The following ERBB4 variants were observed in gnomAD, a reference collection of about 807,000 sequenced individuals.
ERBB4 encodes receptor tyrosine-protein kinase erbB-4.
A neutral mutation model predicts 158.0 loss-of-function variants in ERBB4; 42 were observed. That is an observed-to-expected ratio of 0.27 (90% CI 0.21 to 0.34). ERBB4 has a LOEUF of 0.34. Among genes scored for constraint, ERBB4 ranks in the 10% least tolerant of loss-of-function variants. ERBB4 has a pLI of 1.00. For missense variants in ERBB4, 1,333 were observed against 1,624.1 expected (o/e 0.82, Z 3.08); for synonymous variants, 583 against 558.7 (o/e 1.04, Z -0.61).
chr2:211,966,129 G>A (rs1380834820), intron 2 of ERBB4, among the ~76,000 whole-genome samples: 2 of 152,196 alleles, frequency 1.3e-5, no homozygotes, highest in South Asian at 2.1e-4. Context: ...TGGAAGGACT[G>A]CATGAGCCCA....
At chr2:212,361,669 G>T (rs2089691573) in intron 1 of ERBB4, among the ~76,000 whole-genome samples, 1 of 151,672 alleles carries the variant, frequency 6.6e-6, no homozygotes. Flanking sequence ...CAAGGGGCTT[G>T]TAGCTGAACT....
chr2:211,877,603 C>A (rs535072224), intron 3 of ERBB4, among the ~76,000 whole-genome samples: 1 of 150,612 alleles, frequency 6.6e-6, no homozygotes, highest in Non-Finnish European at 1.5e-5. Flanking sequence ...TGCTATTAGT[C>A]CAGACATTAA....
intron 3 of ERBB4, among the ~76,000 whole-genome samples, chr2:211,879,336 A>T (rs2078600690): frequency 6.6e-6 from 1 of 152,214 alleles, no homozygotes; most frequent in Non-Finnish European, 1.5e-5. Context: ...GATGAATACC[A>T]TATAGAATAA....
chr2:212,300,182 A>T (rs1857795), intron 1 of ERBB4, among the ~76,000 whole-genome samples: 1 of 151,274 alleles, frequency 6.6e-6, no homozygotes, highest in Non-Finnish European at 1.5e-5. Flanking sequence ...TGGTTCACTG[A>T]ACCATTGTTG....
intron 2 of ERBB4, among the ~76,000 whole-genome samples, chr2:212,083,230 G>C (rs2125472880): frequency 6.6e-6 from 1 of 152,068 alleles, no homozygotes; most frequent in African/African-American, 2.4e-5. Context: ...AGAATATTTG[G>C]ATTTTCATGA....
chr2:212,238,117 C>T (rs532027022), intron 1 of ERBB4, among the ~76,000 whole-genome samples: 2 of 152,340 alleles, frequency 1.3e-5, no homozygotes, highest in East Asian at 3.9e-4. Context: ...TCAGGCACCA[C>T]TGAGGTATGA....
intron 12 of ERBB4, among the ~76,000 whole-genome samples, chr2:211,694,645 T>G (rs1412784714): frequency 2.6e-5 from 4 of 152,150 alleles, no homozygotes; most frequent in Admixed American, 2.6e-4. Context: ...AATTAAGATT[T>G]TCTATTTTCT....
chr2:212,008,069 C>G (rs2076297374), intron 2 of ERBB4, among the ~76,000 whole-genome samples: 1 of 151,994 alleles, frequency 6.6e-6, no homozygotes, highest in African/African-American at 2.4e-5. Flanking sequence ...CTAAAAATGT[C>G]TCAAGTTAAC....
chr2:212,065,231 C>A (rs1398042216), intron 2 of ERBB4, among the ~76,000 whole-genome samples: 3 of 151,870 alleles, frequency 2.0e-5, no homozygotes, highest in African/African-American at 7.3e-5. Context: ...GTTAGTTTGC[C>A]GCTAATTACT....
chr2:212,182,634 A>C (rs2125693218), intron 1 of ERBB4, among the ~76,000 whole-genome samples: 1 of 151,970 alleles, frequency 6.6e-6, no homozygotes, highest in South Asian at 2.1e-4. Context: ...CAGCTCATGC[A>C]GGTTTTGATT....
chr2:212,188,066 T>C (rs2082067688), intron 1 of ERBB4, among the ~76,000 whole-genome samples: 1 of 152,102 alleles, frequency 6.6e-6, no homozygotes, highest in Admixed American at 6.6e-5. Flanking sequence ...CTGACAGCTC[T>C]AGAATTCCTT....
chr2:212,513,120 G>A (rs534701457), intron 1 of ERBB4, among the ~76,000 whole-genome samples: 1 of 152,134 alleles, frequency 6.6e-6, no homozygotes, highest in East Asian at 1.9e-4. Context: ...AGTAACTTTT[G>A]CTTACCATTT....
At chr2:212,397,520 G>A (rs78806892) in intron 1 of ERBB4, among the ~76,000 whole-genome samples, 4 of 150,956 alleles carry the variant, frequency 2.6e-5, no homozygotes, top group East Asian at 2.0e-4. Context: ...AGGGGGGAAG[G>A]GGGGAAGGGA....
In ERBB4 at chr2:211,744,849, G is replaced by T. The variant is rs562703097; in HGVS notation, c.622+5790C>A. On this transcript the variant is annotated intron_variant, in intron 5 of 27. Transcript: ENST00000342788. ...TCCCCAATGTATGGAAAGTCTCAAA[G>T]AATAATTATCCATAAAAAATAAGGA... Among the ~76,000 whole-genome samples the T allele has an allele frequency of 5.3e-5, 8 of 152,284 alleles. No homozygotes were observed. The South Asian group carries it at 1.7e-3, about 32-fold the overall frequency.
chr2:211,463,923 G>C (rs1387202932), intron 20 of ERBB4, among the ~76,000 whole-genome samples: 1 of 152,030 alleles, frequency 6.6e-6, no homozygotes, highest in Non-Finnish European at 1.5e-5. Context: ...TCCTTACTGT[G>C]CCTCAAACAT....
intron 1 of ERBB4, among the ~76,000 whole-genome samples, chr2:212,421,195 C>T (rs143306204): frequency 2.3e-3 from 357 of 152,198 alleles, no homozygotes; most frequent in Admixed American, 5.1e-3. Flanking sequence ...AAGGTCCTTA[C>T]GAAGACAATA....
intron 25 of ERBB4, among the ~76,000 whole-genome samples, chr2:211,417,317 TA>T (rs563478334): frequency 0.018 from 2,545 of 139,902 alleles, 39 homozygotes; most frequent in Middle Eastern, 0.036. Context: ...TACAAAAAAA[TA>T]TAAAAAAAAA....
intron 1 of ERBB4, among the ~76,000 whole-genome samples, chr2:212,222,377 A>C (rs1350431105): frequency 6.6e-6 from 1 of 151,598 alleles, no homozygotes; most frequent in Non-Finnish European, 1.5e-5. Flanking sequence ...GAATTTTAGT[A>C]AATAAAATTA....
In ERBB4 at chr2:211,424,220, T is replaced by A. The variant is rs1228233900; in HGVS notation, c.2801A>T (p.Glu934Val). ...IPTREIPDLL[E>V]KGERLPQPPI... is the part of the protein sequence containing the mutation. Reference sequence around the variant, plus strand: ...AGGCTGAGGCAAACGTTCTCCTTTCTCTAATAAATCAGGGATTTCTCGCGT... The same window carrying A: ...AGGCTGAGGCAAACGTTCTCCTTTCACTAATAAATCAGGGATTTCTCGCGT... The change falls in exon 23 of 28, where the codon GAG becomes GTG. Residue 934 changes from glutamate to valine, a missense_variant. Physicochemically the swap from Glu to Val is moderately radical, Grantham distance 121. Transcript: ENST00000342788. 1 of 1,613,426 alleles carries A rather than the reference T, an allele frequency of 6.2e-7. No individual in the cohort carries two copies. The highest frequency in any genetic ancestry group is 1.3e-5 in the African/African-American group (1 of 75,008).
Sources: allele counts gnomAD v4.1 joint callset (sites outside exome capture counted in the v4.1 genomes callset), GRCh38; gene constraint gnomAD v4.1.1; transcripts MANE v1.5; gene names NCBI Gene and HGNC (gene_info 2026-07-23, HGNC 2026-07-21).